ULBP1: variants seen among roughly 807,000 people sequenced by gnomAD.
The protein encoded by ULBP1 is UL16 binding protein 1.
In ULBP1, 28 loss-of-function variants were observed where a neutral mutation model predicts 25.3. The ratio of observed to expected loss-of-function variants is 1.10; its 90% CI spans 0.82 to 1.51. The LOEUF is 1.51. ULBP1 is among the 40% of genes most tolerant of loss of function. The pLI, the probability that ULBP1 is intolerant of heterozygous loss-of-function variation, is 0.00. For synonymous variants in ULBP1, 129 were observed against 103.0 expected (o/e 1.25, Z -1.53); for missense variants, 348 against 290.9 (o/e 1.20, Z -1.43).
chr6:149,969,872 A>G, intron 3 of ULBP1, 144 bp from the exon 4 acceptor site: 1 of 1,130,588 alleles, frequency 8.8e-7, no homozygotes, highest in South Asian at 1.6e-5. Flanking sequence ...TTCTTACCCC[A>G]AGACTTGTCC....
At position 149,968,890 on chromosome 6, in the gene ULBP1, G is replaced by A. The variant is rs781472755; in HGVS notation, c.349+20G>A. On this transcript the variant is annotated intron_variant, in intron 2 of 4. Transcript: ENST00000229708. ...CCATTGGTAAGTTTAAAATGGCCCA[G>A]GGAGCAGACACAGTAGTAACTTAGA... The A allele has an allele frequency of 6.2e-6, 10 of 1,609,464 alleles. No individual in the cohort carries two copies. The highest frequency in any genetic ancestry group is 8.5e-6 in the Non-Finnish European group (10 of 1,177,664).
At chr6:149,971,273 A>T (rs1197085180) in intron 4 of ULBP1, 96 bp from the exon 5 acceptor site, 2 of 852,698 alleles carry the variant, frequency 2.3e-6, no homozygotes, top group African/African-American at 1.9e-5. Context: ...TTTGTGGGAG[A>T]GGTTCCGAAA....
At chr6:149,969,466 AC>A in intron 3 of ULBP1, 106 bp downstream of exon 3, 3 of 1,490,522 alleles carry the variant, frequency 2.0e-6, no homozygotes, top group South Asian at 2.6e-5. Context: ...TATGAACATG[AC>A]CCCCTCATGG....
At position 149,964,003 on chromosome 6, in the gene ULBP1, C is replaced by A; in HGVS notation, c.-47C>A. 6.3e-7 allele frequency: 1 copy of A among 1,599,372 alleles called. No homozygotes were observed. Among genetic ancestry groups the A allele is most frequent in the South Asian group, 1.1e-5 (1 of 90,568 alleles). On this transcript the variant is annotated 5_prime_UTR_variant, in exon 1 of 5. Coordinates refer to ENST00000229708, the MANE Select transcript of ULBP1 (RefSeq NM_025218.4). ...TTATAAACAGCCGTGGTGTGAGCCT[C>A]GAAGGGAACCATCAGCGCCTCCTGT...
At chr6:149,969,473 C>A in intron 3 of ULBP1, 113 bp downstream of exon 3, 1 of 1,433,162 alleles carries the variant, frequency 7.0e-7, no homozygotes, top group East Asian at 2.3e-5. Context: ...ATGACCCCCT[C>A]ATGGGGGGCT....
Position 149,964,140 on chromosome 6 carries a change from T to C in ULBP1, c.85+6T>C. The C allele has an allele frequency of 1.2e-6, 2 of 1,613,988 alleles. No homozygotes were observed. Among genetic ancestry groups the C allele is most frequent in the South Asian group, 2.2e-5 (2 of 91,074 alleles). On this transcript the variant is annotated splice_donor_region_variant and intron_variant, in intron 1 of 4. Coordinates refer to ENST00000229708, the MANE Select transcript of ULBP1 (RefSeq NM_025218.4). ...GTCCCGGGCAGGATGGGTCGGTGAG[T>C]TCGGGGATGTAGCCTAAGCAGGGCG...
intron 1 of ULBP1, among the ~76,000 whole-genome samples, chr6:149,965,425 A>C (rs1313377540): frequency 1.3e-5 from 2 of 152,212 alleles, no homozygotes; most frequent in African/African-American, 4.8e-5. Context: ...GGAGTGTCAA[A>C]GAAGGCTGAA....
chr6:149,972,723 A>T lies in ULBP1; in HGVS notation c.*1377A>T, dbSNP rs1450141248. 6.6e-6 allele frequency: 1 copy of T among 151,630 alleles called. No individual in the cohort carries two copies. The highest frequency in any genetic ancestry group is 1.5e-5 in the Non-Finnish European group (1 of 67,874). The allele number at this position is 151,630 out of a possible 1,614,324, so 9.4% of individuals were successfully genotyped here. On this transcript the variant is annotated 3_prime_UTR_variant, in exon 5 of 5. Transcript: ENST00000229708. Reference sequence around the variant, plus strand: ...ATGAACAGACACTTTTCAAAAGAAGACCTACAATTGGCCAACAAACATGAA... The same window carrying T: ...ATGAACAGACACTTTTCAAAAGAAGTCCTACAATTGGCCAACAAACATGAA...
Position 149,970,001 on chromosome 6 carries a change from G to A in ULBP1, c.626-15G>A, listed in dbSNP as rs1268348008. 1 of 1,604,538 alleles carries A rather than the reference G, an allele frequency of 6.2e-7. No individual in the cohort carries two copies. Among genetic ancestry groups the A allele is most frequent in the Non-Finnish European group, 8.5e-7 (1 of 1,175,384 alleles). On this transcript the variant is annotated splice_polypyrimidine_tract_variant and intron_variant, in intron 3 of 4. Coordinates refer to ENST00000229708, the MANE Select transcript of ULBP1 (RefSeq NM_025218.4). ...AGCCTGGACAAGGGTTGTCACTCCTGTGTTTCCATTTCAGAACCACCCTCT... is the reference window on the plus strand; with the variant it reads ...AGCCTGGACAAGGGTTGTCACTCCTATGTTTCCATTTCAGAACCACCCTCT...
In ULBP1 at chr6:149,972,835, T is replaced by C. The variant is rs967885270; in HGVS notation, c.*1489T>C. On this transcript the variant is annotated 3_prime_UTR_variant, in exon 5 of 5. Transcript: ENST00000229708. ...CTCTTACCAGTCACAAAGTCAGAGA[T>C]GGTGGTGAGGCTGCAGAGCAAAAGA... 11 of 152,188 alleles carry C rather than the reference T, an allele frequency of 7.2e-5. No individual in the cohort carries two copies. The highest frequency in any genetic ancestry group is 2.7e-4 in the African/African-American group (11 of 41,440). The allele number at this position is 152,188 out of a possible 1,614,324, so 9.4% of individuals were successfully genotyped here.
chr6:149,969,324 T>G lies in ULBP1; in HGVS notation c.589T>G (p.Phe197Val), dbSNP rs781482414. 5 of 1,614,046 alleles carry G rather than the reference T, an allele frequency of 3.1e-6. No homozygotes were observed. Among genetic ancestry groups the G allele is most frequent in the Non-Finnish European group, 4.2e-6 (5 of 1,179,882 alleles). The change falls in exon 3 of 5, where the codon TTT becomes GTT. Residue 197 changes from phenylalanine to valine, a missense_variant. Coordinates refer to ENST00000229708, the MANE Select transcript of ULBP1 (RefSeq NM_025218.4). ...LGDCKMWLEE[F>V]LMYWEQMLDP... is the part of the protein sequence containing the mutation. The stretch of plus-strand genomic sequence containing the variant: ...GGATTGTAAGATGTGGCTTGAAGAA[T>G]TTTTGATGTACTGGGAACAAATGCT...
chr6:149,968,918 C>T (rs774877016), intron 2 of ULBP1, 48 bp downstream of exon 2: 2 of 1,575,300 alleles, frequency 1.3e-6, no homozygotes, highest in South Asian at 2.4e-5. Flanking sequence ...AACTTAGAGT[C>T]ATTTATTGAT....
intron 1 of ULBP1, among the ~76,000 whole-genome samples, chr6:149,966,380 T>C (rs538276278): frequency 7.9e-4 from 120 of 152,188 alleles, no homozygotes; most frequent in African/African-American, 2.5e-3. Context: ...CACAAGTGTG[T>C]CCTACCCTGC....
In ULBP1 at chr6:149,964,331, T is replaced by A. The variant is rs1287884661; in HGVS notation, c.85+197T>A. Among the ~76,000 whole-genome samples, 3 of 136,902 alleles carry A rather than the reference T, an allele frequency of 2.2e-5. No individual in the cohort carries two copies. The South Asian group carries it at 7.2e-4, about 33-fold the overall frequency. The allele number at this position is 136,902 out of a possible 152,430, so 89.8% of individuals were successfully genotyped here. On this transcript the variant is annotated intron_variant, in intron 1 of 4. Transcript: ENST00000229708. ...ACATCGCGGTGCCCCCGAACATCGC[T>A]GTCTCCCCGAACATCGCGATCTCCC...
rs1161045381 is a variant in ULBP1, at chr6:149,970,097, T to G, written c.707T>G (p.Phe236Cys). The G allele has an allele frequency of 6.2e-7, 1 of 1,612,172 alleles. No homozygotes were observed. Among genetic ancestry groups the G allele is most frequent in the Non-Finnish European group, 8.5e-7 (1 of 1,179,238 alleles). ...AGTCCCTGGAGCCTTCTCATCATCTTCCTCTGCTTCATTCTAGCTGGCAGA... is the reference window on the plus strand; with the variant it reads ...AGTCCCTGGAGCCTTCTCATCATCTGCCTCTGCTTCATTCTAGCTGGCAGA... ...TLSPWSLLII[F>C]LCFILAGR The change falls in exon 4 of 5, where the codon TTC (phenylalanine) becomes TGC (cysteine). Residue 236 changes from phenylalanine to cysteine, a missense_variant. Physicochemically the swap from Phe to Cys is radical, Grantham distance 205. Transcript: ENST00000229708.
intron 4 of ULBP1, among the ~76,000 whole-genome samples, chr6:149,970,811 C>A (rs1190308739): frequency 6.6e-6 from 1 of 152,258 alleles, no homozygotes; most frequent in Admixed American, 6.5e-5. Flanking sequence ...AGATCCTGAG[C>A]CAGCTGATGG....
rs749502346 is a variant in ULBP1, at chr6:149,969,196, A to G, written c.461A>G (p.Asn154Ser). 9 of 1,614,232 alleles carry G rather than the reference A, an allele frequency of 5.6e-6. No individual in the cohort carries two copies. Among genetic ancestry groups the G allele is most frequent in the Admixed American group, 1.7e-5 (1 of 60,026 alleles). ...CAGAAGTTCCTCCTCTTTGACTCAA[A>G]CAACAGAAAGTGGACAGCACTTCAT... ...NGQKFLLFDSNNRKWTALHPG... is the reference protein window; with the variant it reads ...NGQKFLLFDSSNRKWTALHPG... The change falls in exon 3 of 5, where the codon AAC becomes AGC. Residue 154 changes from asparagine (N) to serine (S), a missense_variant. Coordinates refer to ENST00000229708, the MANE Select transcript of ULBP1 (RefSeq NM_025218.4).
At chr6:149,967,332 T>C (rs1474748274) in intron 1 of ULBP1, among the ~76,000 whole-genome samples, 6 of 152,208 alleles carry the variant, frequency 3.9e-5, no homozygotes, top group Non-Finnish European at 8.8e-5. Flanking sequence ...GGCATACAGT[T>C]ACCAGAGTGA....
chr6:149,969,800 G>A (rs749927533), intron 3 of ULBP1, among the ~76,000 whole-genome samples: 1 of 152,164 alleles, frequency 6.6e-6, no homozygotes, highest in Non-Finnish European at 1.5e-5. Flanking sequence ...GGACTGTGCT[G>A]TCACCTCGCT....
Sources: gnomAD v4.1 joint callset for allele counts (sites outside exome capture counted in the v4.1 genomes callset) on GRCh38, gnomAD v4.1.1 for gene constraint, MANE v1.5 for transcripts, NCBI Gene and HGNC (gene_info 2026-07-23, HGNC 2026-07-21) for gene names.